RHBDD1: variants seen among roughly 807,000 people sequenced by gnomAD.
RHBDD1 encodes rhomboid domain containing 1, also known as rhomboid-related protein 4.
A neutral mutation model predicts 36.3 loss-of-function variants in RHBDD1; 38 were observed. That is an observed-to-expected ratio of 1.05 (90% CI 0.81 to 1.37). The LOEUF (loss-of-function observed/expected upper bound fraction) is 1.37, where lower values mean the gene tolerates loss of function less well. RHBDD1 is among the 40% of genes most tolerant of loss of function. The probability of loss-of-function intolerance (pLI) is 0.00; values close to 1 mark genes in which losing one functional copy is unlikely to be tolerated. For synonymous variants in RHBDD1, 151 were observed against 136.5 expected (o/e 1.11, Z -0.74); for missense variants, 393 against 377.6 (o/e 1.04, Z -0.34).
intron 8 of RHBDD1, chr2:226,935,235 TAGAAAA>T (rs1950264198): frequency 6.6e-6 from 1 of 152,126 alleles, no homozygotes; most frequent in Non-Finnish European, 1.5e-5. Flanking sequence ...AAAGCCATAT[TAGAAAA>T]AATATTTAGA....
intron 5 of RHBDD1, among the ~76,000 whole-genome samples, chr2:226,891,658 C>G (rs1159061179): frequency 6.6e-6 from 1 of 152,182 alleles, no homozygotes; most frequent in East Asian, 1.9e-4. Flanking sequence ...AGAGAAAATG[C>G]AGCTACTGTC....
chr2:226,931,548 A>G lies in RHBDD1; in HGVS notation c.856+17197A>G, dbSNP rs990737945. On this transcript the variant is annotated intron_variant, in intron 8 of 8. Transcript: ENST00000392062. The stretch of plus-strand genomic sequence containing the variant: ...AAAGCCTACATATTGGATACAATGT[A>G]CACTACTTGGGTGATGAGTGCACTA... Among the ~76,000 whole-genome samples, 5 of 152,070 alleles carry G rather than the reference A, an allele frequency of 3.3e-5. No homozygotes were observed. In the East Asian group the frequency reaches 7.7e-4, roughly 23 times the overall value.
intron 6 of RHBDD1, chr2:226,908,491 T>G (rs893872001): frequency 2.6e-5 from 7 of 266,594 alleles, no homozygotes; most frequent in Non-Finnish European, 4.4e-5. Flanking sequence ...GTGTCTCTGC[T>G]TGTACAGAGA....
chr2:226,831,423 C>T (rs1574702327), upstream of RHBDD1, among the ~76,000 whole-genome samples: 1 of 152,280 alleles, frequency 6.6e-6, no homozygotes, highest in East Asian at 1.9e-4. Context: ...AAGATGAGGT[C>T]ACACTGGAGT....
the RHBDD1 span, among the ~76,000 whole-genome samples, chr2:226,816,494 GT>G: frequency 1.3e-5 from 2 of 152,024 alleles, no homozygotes; most frequent in Non-Finnish European, 2.9e-5. Flanking sequence ...CCTTGGAATG[GT>G]TTAAGAAACA....
At chr2:226,980,243 C>G (rs1005297644) in intron 8 of RHBDD1, among the ~76,000 whole-genome samples, 2 of 152,134 alleles carry the variant, frequency 1.3e-5, no homozygotes, top group African/African-American at 4.8e-5. Context: ...TCCTAGGACA[C>G]AAAATAAGAG....
chr2:226,828,891 T>A, the RHBDD1 span, among the ~76,000 whole-genome samples: 44 of 152,294 alleles, frequency 2.9e-4, no homozygotes, highest in Non-Finnish European at 4.9e-4. Context: ...GTATATTTTT[T>A]AAATTTTGAG....
chr2:226,980,329 T>C (rs1264062621), intron 8 of RHBDD1, among the ~76,000 whole-genome samples: 3 of 152,140 alleles, frequency 2.0e-5, no homozygotes, highest in Non-Finnish European at 4.4e-5. Flanking sequence ...CAGAGCGAGG[T>C]AGCAGAAGGG....
chr2:226,810,540 C>CAAAAAAAAAAAAAAA, the RHBDD1 span, among the ~76,000 whole-genome samples: 24 of 33,880 alleles, frequency 7.1e-4, no homozygotes, highest in East Asian at 2.6e-3. Context: ...GACTCCGTCT[C>CAAAAAAAAAAAAAAA]AAAAAAAAAA....
chr2:226,937,167 ACT>A (rs1375473632), intron 8 of RHBDD1, among the ~76,000 whole-genome samples: 2 of 152,226 alleles, frequency 1.3e-5, no homozygotes, highest in Non-Finnish European at 2.9e-5. Context: ...TGATTCACAA[ACT>A]CTTGTGATTT....
intron 3 of RHBDD1, among the ~76,000 whole-genome samples, chr2:226,847,684 T>C (rs1942369200): frequency 6.6e-6 from 1 of 152,238 alleles, no homozygotes; most frequent in Non-Finnish European, 1.5e-5. Flanking sequence ...GTGAGACCTA[T>C]GTCAAGGCCT....
At chr2:226,845,061 A>G (rs1031322471) in intron 3 of RHBDD1, among the ~76,000 whole-genome samples, 2 of 152,194 alleles carry the variant, frequency 1.3e-5, no homozygotes, top group African/African-American at 4.8e-5. Context: ...TAAATTCTCA[A>G]ATCATCAGAT....
chr2:226,887,096 T>G (rs1488699424), intron 5 of RHBDD1, among the ~76,000 whole-genome samples: 2 of 152,142 alleles, frequency 1.3e-5, no homozygotes, highest in African/African-American at 4.8e-5. Context: ...CGGAGGAGGC[T>G]AGGTCCACTT....
At chr2:226,966,099 C>T (rs1292085888) in intron 8 of RHBDD1, among the ~76,000 whole-genome samples, 1 of 152,076 alleles carries the variant, frequency 6.6e-6, no homozygotes, top group Non-Finnish European at 1.5e-5. Context: ...TGTGACTCGC[C>T]ACATAAAAAC....
intron 8 of RHBDD1, among the ~76,000 whole-genome samples, chr2:226,928,490 G>T (rs184280441): frequency 9.9e-5 from 15 of 152,120 alleles, no homozygotes; most frequent in Non-Finnish European, 2.1e-4. Flanking sequence ...AAACCTCTGG[G>T]ATACAGCAAA....
At chr2:226,822,633 C>CAAAA in the RHBDD1 span, among the ~76,000 whole-genome samples, 2 of 71,646 alleles carry the variant, frequency 2.8e-5, no homozygotes, top group Non-Finnish European at 3.4e-5. Context: ...TATTTTGTCT[C>CAAAA]AAAAAAAAAA....
rs951595518 is a variant in RHBDD1 at position 226,839,525 on chromosome 2, A to C, written c.-193A>C. 6.6e-6 allele frequency: 1 copy of C among 152,188 alleles called. No homozygotes were observed. Among genetic ancestry groups the C allele is most frequent in the African/African-American group, 2.4e-5 (1 of 41,426 alleles). 9.4% of individuals were successfully genotyped at this position (152,188 alleles called of 1,614,324 possible). A position where few individuals can be genotyped will look rare whatever the true frequency, so the allele number is the denominator to read the frequency against. On this transcript the variant is annotated 5_prime_UTR_variant, in exon 3 of 9. The change abolishes the stop of an existing upstream ORF in the 5' untranslated region. Transcript: ENST00000392062. The stretch of plus-strand genomic sequence containing the variant: ...GGCAGCGATATTAGGAGGCGTGCCT[A>C]GGGAACCTCGGATTCCGGGGAGCTG...
In RHBDD1 at chr2:226,846,707, A is replaced by G. The variant is rs1475959530; in HGVS notation, c.-91+7080A>G. Among the ~76,000 whole-genome samples the G allele has an allele frequency of 5.4e-5, 8 of 149,426 alleles. No individual in the cohort carries two copies. The Admixed American group carries it at 5.4e-4, about 10-fold the overall frequency. ...CTCAGCAGTGAGCTGAAATCGTGCC[A>G]TTGCACTCCAGCCTGGGCAACAAGA... On this transcript the variant is annotated intron_variant, in intron 3 of 8. Transcript: ENST00000392062.
intron 8 of RHBDD1, among the ~76,000 whole-genome samples, chr2:226,961,195 C>T (rs998792114): frequency 2.0e-5 from 3 of 152,142 alleles, no homozygotes; most frequent in Non-Finnish European, 4.4e-5. Context: ...AGCTCTGCCT[C>T]TCCTTCTCCA....
Sources: allele counts gnomAD v4.1 joint callset (sites outside exome capture counted in the v4.1 genomes callset), GRCh38; gene constraint gnomAD v4.1.1; transcripts MANE v1.5; gene names NCBI Gene and HGNC (gene_info 2026-07-23, HGNC 2026-07-21).